Variants in ENPP1 observed in about 807,000 individuals in gnomAD.
ENPP1 encodes the protein ectonucleotide pyrophosphatase/phosphodiesterase 1, also known as ectonucleotide pyrophosphatase/phosphodiesterase family member 1.
A neutral mutation model predicts 122.8 loss-of-function variants in ENPP1; 73 were observed. The ratio of observed to expected loss-of-function variants is 0.59; its 90% CI spans 0.49 to 0.72. The LOEUF is 0.72. ENPP1 is among the 30% of genes least tolerant of loss of function. The pLI is 0.00. For synonymous variants in ENPP1, 367 were observed against 391.6 expected (o/e 0.94, Z 0.74); for missense variants, 978 against 1,128.1 (o/e 0.87, Z 1.91).
At chr6:131,879,759 T>A in intron 19 of ENPP1, 121 bp from the exon 20 acceptor site, 1 of 891,024 alleles carries the variant, frequency 1.1e-6, no homozygotes, top group Non-Finnish European at 1.8e-6. Context: ...TCAGTTTTTT[T>A]AATAGTTAAA....
intron 1 of ENPP1, among the ~76,000 whole-genome samples, chr6:131,832,852 TGGAGGCTGAA>T (rs758973545): frequency 0.1 from 15,717 of 152,260 alleles, 876 homozygotes; most frequent in East Asian, 0.18. Flanking sequence ...ACTGCTTACA[TGGAGGCTGAA>T]GGCTTTAAGA....
chr6:131,847,856 G>GGTGTGTGTGTGTGTGTGT lies in ENPP1; in HGVS notation c.313+29_313+46dup. 2 of 1,181,204 alleles carry GGTGTGTGTGTGTGTGTGT rather than the reference G, an allele frequency of 1.7e-6. No homozygotes were observed. The highest frequency in any genetic ancestry group is 4.9e-5 in the East Asian group (2 of 40,510). The allele number at this position is 1,181,204 out of a possible 1,614,324, so 73.2% of individuals were successfully genotyped here. On this transcript the variant is annotated intron_variant, in intron 2 of 24. Transcript: ENST00000647893. ...CAAGCTGTGCCAAAGAAGGTAATTA[G>GGTGTGTGTGTGTGTGTGT]GTGTGTGTGTGTGTGTGTGTGTGTG...
intron 1 of ENPP1, among the ~76,000 whole-genome samples, chr6:131,842,329 T>C (rs1453773672): frequency 2.6e-5 from 4 of 152,336 alleles, no homozygotes; most frequent in Non-Finnish European, 5.9e-5. Context: ...TGGCTTTGCA[T>C]GAAGCACCAT....
intron 1 of ENPP1, among the ~76,000 whole-genome samples, chr6:131,819,124 T>A (rs969548947): frequency 5.3e-5 from 8 of 152,206 alleles, no homozygotes. Flanking sequence ...GCGTTAACAT[T>A]TGGAAGAATG....
At chr6:131,853,649 TG>T (rs1265895736) in intron 5 of ENPP1, among the ~76,000 whole-genome samples, 2 of 152,170 alleles carry the variant, frequency 1.3e-5, no homozygotes, top group Non-Finnish European at 2.9e-5. Flanking sequence ...GTTCTCCTTG[TG>T]GGGTTGCTTT....
At chr6:131,817,457 C>CA (rs1781428327) in intron 1 of ENPP1, among the ~76,000 whole-genome samples, 1 of 152,130 alleles carries the variant, frequency 6.6e-6, no homozygotes, top group Non-Finnish European at 1.5e-5. Flanking sequence ...GTGAAGTCAA[C>CA]AATCAGCTGT....
chr6:131,865,008 G>A (rs747681737), intron 11 of ENPP1, 70 bp downstream of exon 11: 1 of 910,100 alleles, frequency 1.1e-6, no homozygotes, highest in Non-Finnish European at 1.9e-6. Context: ...TTTGAAGGAG[G>A]CTGCTAGACC....
At chr6:131,811,406 C>CTA (rs1242106194) in intron 1 of ENPP1, among the ~76,000 whole-genome samples, 1 of 142,542 alleles carries the variant, frequency 7.0e-6, no homozygotes, top group African/African-American at 2.8e-5. Flanking sequence ...ATATCTATAT[C>CTA]TATATCTATA....
chr6:131,808,090 G>A lies in ENPP1; in HGVS notation c.55G>A (p.Ala19Thr), dbSNP rs1781301291. The change falls in exon 1 of 25, where the codon GCT (alanine) becomes ACT (threonine). Residue 19 changes from alanine to threonine, a missense_variant. Coordinates refer to ENST00000647893, the MANE Select transcript of ENPP1 (RefSeq NM_006208.3). ...GGSRGGEGGR[A>T]PREGPAGNGR... ...GAGCCGCGGCGGCGAGGGCGGGCGC[G>A]CTCCCCGGGAGGGCCCGGCGGGGAA... 2.7e-6 allele frequency: 3 copies of A among 1,117,322 alleles called. No homozygotes were observed. Among genetic ancestry groups the A allele is most frequent in the Non-Finnish European group, 3.3e-6 (3 of 914,010 alleles). The allele number at this position is 1,117,322 out of a possible 1,614,324, so 69.2% of individuals were successfully genotyped here. A position where few individuals can be genotyped will look rare whatever the true frequency, so the allele number is the denominator to read the frequency against.
At chr6:131,829,259 A>G in intron 1 of ENPP1, among the ~76,000 whole-genome samples, 1 of 152,214 alleles carries the variant, frequency 6.6e-6, no homozygotes, top group East Asian at 1.9e-4. Context: ...AAACTTTACA[A>G]TTCTTTTCTA....
chr6:131,839,460 C>T (rs1247114235), intron 1 of ENPP1, among the ~76,000 whole-genome samples: 1 of 151,954 alleles, frequency 6.6e-6, no homozygotes, highest in Admixed American at 6.6e-5. Flanking sequence ...TTGAAGTTTG[C>T]TTAAGGTAAA....
At chr6:131,875,740 A>G (rs372195099) in intron 16 of ENPP1, 36 bp from the exon 17 acceptor site, 2 of 1,543,812 alleles carry the variant, frequency 1.3e-6, no homozygotes, top group African/African-American at 2.7e-5. Context: ...TAGACAGCTG[A>G]AATGCACTGA....
intron 23 of ENPP1, 130 bp from the exon 24 acceptor site, chr6:131,886,432 C>T (rs1479033346): frequency 1.4e-6 from 1 of 715,872 alleles, no homozygotes; most frequent in Admixed American, 2.5e-5. Flanking sequence ...ATTGTGATTA[C>T]TAGCTTCTTA....
chr6:131,852,482 G>T (rs149633484), intron 5 of ENPP1, among the ~76,000 whole-genome samples: 188 of 152,198 alleles, frequency 1.2e-3, no homozygotes, highest in African/African-American at 4.3e-3. Flanking sequence ...GCTCCAGTGA[G>T]CATTTCCTTT....
At chr6:131,816,204 G>A (rs1781412047) in intron 1 of ENPP1, among the ~76,000 whole-genome samples, 1 of 152,078 alleles carries the variant, frequency 6.6e-6, no homozygotes, top group South Asian at 2.1e-4. Flanking sequence ...TTTTGTACAA[G>A]CCAGAGAACT....
rs1782466135 is a variant in ENPP1 at position 131,891,257 on chromosome 6, T to A, written c.*746T>A. 1 of 152,234 alleles carries A rather than the reference T, an allele frequency of 6.6e-6. No individual in the cohort carries two copies. Among genetic ancestry groups the A allele is most frequent in the Non-Finnish European group, 1.5e-5 (1 of 68,072 alleles). The allele number at this position is 152,234 out of a possible 1,614,324, so 9.4% of individuals were successfully genotyped here. A position where few individuals can be genotyped will look rare whatever the true frequency, so the allele number is the denominator to read the frequency against. On this transcript the variant is annotated 3_prime_UTR_variant, in exon 25 of 25. Coordinates refer to ENST00000647893, the MANE Select transcript of ENPP1 (RefSeq NM_006208.3). ...CCTGCTCACTGGTAATTAACATAGG[T>A]TTAAAATGGCTTCAAATGTGGCCCT...
rs1781890823 is a variant in ENPP1, at chr6:131,852,176, TGAGAAAAGTTGGGTAGAA to T, written c.561_578del (p.Lys188_Glu193del). The T allele has an allele frequency of 2.5e-6, 4 of 1,591,524 alleles. No homozygotes were observed. The highest frequency in any genetic ancestry group is 3.4e-6 in the Non-Finnish European group (4 of 1,161,926). ...TTTATTTTCTTGAAAATATTTTAGG[TGAGAAAAGTTGGGTAGAA>T]GAACCATGTGAGAGCATTAATGAGC... On this transcript the variant is annotated inframe_deletion and splice_region_variant, in exon 5 of 25. Transcript: ENST00000647893.
chr6:131,881,951 A>G (rs533613424), intron 20 of ENPP1, among the ~76,000 whole-genome samples: 3 of 152,170 alleles, frequency 2.0e-5, no homozygotes, highest in Admixed American at 1.3e-4. Flanking sequence ...CCTGGGGGGC[A>G]GAGTTGCGGT....
intron 1 of ENPP1, among the ~76,000 whole-genome samples, chr6:131,841,622 G>A (rs1435603010): frequency 6.6e-6 from 1 of 152,180 alleles, no homozygotes; most frequent in African/African-American, 2.4e-5. Context: ...GCTTGCTGAT[G>A]TTCAGCTTAA....
Sources: allele counts gnomAD v4.1 joint callset (sites outside exome capture counted in the v4.1 genomes callset), GRCh38; gene constraint gnomAD v4.1.1; transcripts MANE v1.5; gene names NCBI Gene and HGNC (gene_info 2026-07-23, HGNC 2026-07-21).